The following TMEM117 variants were observed in gnomAD, a reference collection of about 807,000 sequenced individuals.
TMEM117 encodes transmembrane protein 117.
TMEM117 carries 27 observed loss-of-function variants against 52.4 expected under a neutral mutation model. That is an observed-to-expected ratio of 0.51 (90% CI 0.38 to 0.71). TMEM117 has a LOEUF of 0.71. Among genes scored for constraint, TMEM117 ranks in the 30% least tolerant of loss-of-function variants. The pLI, the probability that TMEM117 is intolerant of heterozygous loss-of-function variation, is 0.00. For missense variants in TMEM117, 556 were observed against 630.5 expected (o/e 0.88, Z 1.26); for synonymous variants, 215 against 206.3 (o/e 1.04, Z -0.36).
intron 5 of TMEM117, among the ~76,000 whole-genome samples, chr12:44,218,137 T>C (rs1949741902): frequency 6.6e-6 from 1 of 152,020 alleles, no homozygotes; most frequent in Non-Finnish European, 1.5e-5. Flanking sequence ...GGCAGGAGAA[T>C]TGCTTGAACC....
chr12:43,825,292 G>T, the TMEM117 span, among the ~76,000 whole-genome samples: 2 of 152,304 alleles, frequency 1.3e-5, no homozygotes, highest in Admixed American at 1.3e-4. Context: ...AAGGGGGCTG[G>T]CCTACCTGCT....
chr12:43,849,869 C>A (rs115374503), intron 2 of TMEM117, among the ~76,000 whole-genome samples: 1 of 152,190 alleles, frequency 6.6e-6, no homozygotes, highest in South Asian at 2.1e-4. Context: ...AACTTGTCTT[C>A]TTCTTCTGTC....
At chr12:44,378,054 C>A (rs1214694517) in intron 7 of TMEM117, among the ~76,000 whole-genome samples, 2 of 152,142 alleles carry the variant, frequency 1.3e-5, no homozygotes, top group Non-Finnish European at 2.9e-5. Context: ...GCATGCTACC[C>A]TCTTGGACTT....
At chr12:43,907,081 G>A (rs968870918) in intron 2 of TMEM117, among the ~76,000 whole-genome samples, 28 of 152,178 alleles carry the variant, frequency 1.8e-4, no homozygotes, top group Admixed American at 3.9e-4. Context: ...AACCTCTGCA[G>A]ACTTAAATGT....
rs146674244 is a variant in TMEM117 at position 44,326,766 on chromosome 12, T to C, written c.768+27027T>C. 1.7e-3 allele frequency among the ~76,000 whole-genome samples: 266 copies of C among 152,322 alleles called. 1 individual carries two copies. The highest frequency in any genetic ancestry group is 6.0e-3 in the African/African-American group (251 of 41,580). On this transcript the variant is annotated intron_variant, in intron 6 of 7. Coordinates refer to ENST00000266534, the MANE Select transcript of TMEM117 (RefSeq NM_032256.3). ...GAGGCCCTTTGCAATCCAGGCCTCA[T>C]TGGGGAACTTCACCACACTATTCAC...
intron 3 of TMEM117, among the ~76,000 whole-genome samples, chr12:43,970,406 A>C (rs1180259167): frequency 1.3e-5 from 2 of 151,894 alleles, no homozygotes; most frequent in African/African-American, 4.8e-5. Flanking sequence ...CTCCTGCCTC[A>C]GCCTCCTGAG....
At chr12:44,063,965 G>T (rs947546036) in intron 3 of TMEM117, among the ~76,000 whole-genome samples, 8 of 152,044 alleles carry the variant, frequency 5.3e-5, no homozygotes, top group Non-Finnish European at 1.0e-4. Context: ...TAATTTCTTA[G>T]AGCAAAAACC....
chr12:44,146,812 A>G (rs1948649266), intron 4 of TMEM117, among the ~76,000 whole-genome samples: 1 of 152,204 alleles, frequency 6.6e-6, no homozygotes, highest in Non-Finnish European at 1.5e-5. Flanking sequence ...AAAAGCAACT[A>G]TTTACATTAA....
intron 3 of TMEM117, among the ~76,000 whole-genome samples, chr12:44,000,526 G>A (rs932716485): frequency 7.2e-5 from 11 of 152,072 alleles, no homozygotes; most frequent in Non-Finnish European, 1.6e-4. Flanking sequence ...CAGAGGTGAG[G>A]ACTCTCTGAA....
At chr12:43,825,341 C>T in the TMEM117 span, among the ~76,000 whole-genome samples, 1 of 152,144 alleles carries the variant, frequency 6.6e-6, no homozygotes, top group Admixed American at 6.5e-5. Flanking sequence ...GCTGGGTGGA[C>T]CCCAAGCGCT....
chr12:44,071,878 C>T (rs1291813114), intron 3 of TMEM117, among the ~76,000 whole-genome samples: 1 of 152,142 alleles, frequency 6.6e-6, no homozygotes, highest in Non-Finnish European at 1.5e-5. Context: ...TTTCTAGGCT[C>T]CGATCCGGAG....
intron 3 of TMEM117, among the ~76,000 whole-genome samples, chr12:44,003,353 T>G (rs1946144273): frequency 6.6e-6 from 1 of 152,164 alleles, no homozygotes. Context: ...CTTGACCCAC[T>G]CACATGCTCT....
intron 3 of TMEM117, among the ~76,000 whole-genome samples, chr12:43,951,475 T>A (rs1592387762): frequency 6.6e-6 from 1 of 152,178 alleles, no homozygotes. Flanking sequence ...GCGCCATTAC[T>A]GTGGCTTCAG....
At chr12:44,387,395 C>A (rs1952103760) in intron 7 of TMEM117, among the ~76,000 whole-genome samples, 1 of 151,570 alleles carries the variant, frequency 6.6e-6, no homozygotes, top group Admixed American at 6.6e-5. Context: ...TCTTTTCAAG[C>A]AGTTCATAAG....
chr12:43,886,724 A>T (rs775849305), intron 2 of TMEM117, among the ~76,000 whole-genome samples: 1 of 152,120 alleles, frequency 6.6e-6, no homozygotes, highest in Non-Finnish European at 1.5e-5. Context: ...ACGTTATTTC[A>T]TTAGTCAGGT....
chr12:44,312,455 G>T lies in TMEM117; in HGVS notation c.768+12716G>T, dbSNP rs1427662245. ...AGGACATGATTTTTTCTTTTTCATG[G>T]CTGTGTAATATTCCAGGGTGTACAT... On this transcript the variant is annotated intron_variant, in intron 6 of 7. Transcript: ENST00000266534. 2.0e-5 allele frequency among the ~76,000 whole-genome samples: 3 copies of T among 152,124 alleles called. No homozygotes were observed. In the South Asian group the frequency reaches 6.2e-4, roughly 32 times the overall value.
chr12:44,168,205 A>G (rs1180230503), intron 4 of TMEM117, among the ~76,000 whole-genome samples: 1 of 151,834 alleles, frequency 6.6e-6, no homozygotes, highest in Admixed American at 6.6e-5. Flanking sequence ...GGGAGCTGAG[A>G]TGGCGCTACT....
At chr12:44,238,636 C>A (rs1286218106) in intron 5 of TMEM117, among the ~76,000 whole-genome samples, 2 of 152,006 alleles carry the variant, frequency 1.3e-5, no homozygotes, top group African/African-American at 2.4e-5. Flanking sequence ...CATAACAAGA[C>A]CCTGTCTCTA....
intron 3 of TMEM117, among the ~76,000 whole-genome samples, chr12:44,032,243 A>G (rs1049670514): frequency 2.0e-5 from 3 of 152,274 alleles, no homozygotes; most frequent in African/African-American, 7.2e-5. Flanking sequence ...GCCAAGTGTA[A>G]TAAAGCAAAT....
Sources: gnomAD v4.1 joint callset for allele counts (sites outside exome capture counted in the v4.1 genomes callset) on GRCh38, gnomAD v4.1.1 for gene constraint, MANE v1.5 for transcripts, NCBI Gene and HGNC (gene_info 2026-07-23, HGNC 2026-07-21) for gene names.